Variants in ZNF429 observed in about 807,000 individuals in gnomAD.
The protein encoded by ZNF429 is zinc finger protein 429.
Under a neutral mutation model 56.8 loss-of-function variants are expected in ZNF429, and 53 were observed. The ratio of observed to expected loss-of-function variants is 0.93; its 90% CI spans 0.75 to 1.17. ZNF429 has a LOEUF of 1.17. ZNF429 is among the 50% of genes most tolerant of loss of function. ZNF429 has a pLI of 0.00. For synonymous variants in ZNF429, 278 were observed against 264.7 expected, an observed-to-expected ratio of 1.05 and a Z score of -0.49; for missense variants, 849 against 788.4, an observed-to-expected ratio of 1.08 and a Z score of -0.92.
intron 1 of ZNF429, among the ~76,000 whole-genome samples, chr19:21,518,402 TGG>T (rs2032854510): frequency 6.7e-5 from 1 of 14,968 alleles, no homozygotes; most frequent in Non-Finnish European, 1.4e-4. Flanking sequence ...GAGATTCTGG[TGG>T]TGTGTTGTAT....
intron 1 of ZNF429, among the ~76,000 whole-genome samples, chr19:21,510,786 AC>A (rs1442066451): frequency 2.0e-5 from 3 of 151,622 alleles, no homozygotes; most frequent in Non-Finnish European, 4.4e-5. Flanking sequence ...ATGACTCTTA[AC>A]GAGCATGCTG....
intron 1 of ZNF429, 35 bp from the exon 2 acceptor site, chr19:21,529,623 T>C (rs1436086175): frequency 3.6e-6 from 5 of 1,377,574 alleles, no homozygotes; most frequent in South Asian, 1.5e-5. Context: ...TTCTCTCTCT[T>C]TCTCTCTCCT....
At chr19:21,519,631 T>C (rs574293225) in intron 1 of ZNF429, among the ~76,000 whole-genome samples, 6 of 152,330 alleles carry the variant, frequency 3.9e-5, no homozygotes, top group East Asian at 1.9e-4. Flanking sequence ...TAGAAGTGTA[T>C]GTAAAAGTTA....
In ZNF429 at chr19:21,539,812, C is replaced by G. The variant is rs529129545; in HGVS notation, c.*1734C>G. Among the ~76,000 whole-genome samples, 4 of 152,190 alleles carry G rather than the reference C, an allele frequency of 2.6e-5. No homozygotes were observed. In the East Asian group the frequency reaches 7.7e-4, roughly 29 times the overall value. The stretch of plus-strand genomic sequence containing the variant: ...ATATAATTCAAGTATCAAATTACTT[C>G]ATGCTGTTTCATTGTTCCTATTCAC... On this transcript the variant is annotated 3_prime_UTR_variant, in exon 4 of 4. Coordinates refer to ENST00000358491, the MANE Select transcript of ZNF429 (RefSeq NM_001001415.4).
At chr19:21,514,289 G>A (rs1452331207) in intron 1 of ZNF429, among the ~76,000 whole-genome samples, 2 of 151,702 alleles carry the variant, frequency 1.3e-5, no homozygotes, top group Admixed American at 6.6e-5. Context: ...TGTCACTGAG[G>A]TACTAAGCAT....
intron 1 of ZNF429, among the ~76,000 whole-genome samples, chr19:21,515,405 A>G (rs111730189): frequency 3.3e-5 from 5 of 152,046 alleles, no homozygotes; most frequent in African/African-American, 1.2e-4. Flanking sequence ...AATGGCATCT[A>G]TTCATGTTTT....
At chr19:21,508,306 C>T (rs73546793) in intron 1 of ZNF429, among the ~76,000 whole-genome samples, 4,162 of 151,312 alleles carry the variant, frequency 0.028, 143 homozygotes, top group African/African-American at 0.075. Context: ...TGAGATGAGG[C>T]GAGAAATTGC....
chr19:21,534,605 A>G, intron 3 of ZNF429, among the ~76,000 whole-genome samples: 1 of 152,092 alleles, frequency 6.6e-6, no homozygotes, highest in Non-Finnish European at 1.5e-5. Flanking sequence ...TTGTGGCTCC[A>G]AGTGATCCTT....
intron 1 of ZNF429, among the ~76,000 whole-genome samples, chr19:21,512,458 G>A (rs1016717318): frequency 7.2e-5 from 11 of 151,778 alleles, no homozygotes; most frequent in African/African-American, 2.4e-4. Flanking sequence ...TCAGGAGTTC[G>A]AGACCAGCCT....
Position 21,537,892 on chromosome 19 carries a change from A to G in ZNF429, c.1839A>G (p.Lys613=). 6.2e-7 allele frequency: 1 copy of G among 1,614,090 alleles called. No homozygotes were observed. Among genetic ancestry groups the G allele is most frequent in the African/African-American group, 1.3e-5 (1 of 75,044 alleles). ...NRSSRLTQHK[K]IHTREKPYKC... Reference sequence around the variant, plus strand: ...CCTCAAGACTTACTCAACATAAGAAAATTCATACTAGAGAGAAACCTTACA... The same window carrying G: ...CCTCAAGACTTACTCAACATAAGAAGATTCATACTAGAGAGAAACCTTACA... Residue 613 remains lysine, a synonymous_variant, in exon 4 of 4, where the codon AAA becomes AAG. Coordinates refer to ENST00000358491, the MANE Select transcript of ZNF429 (RefSeq NM_001001415.4).
chr19:21,511,998 G>A (rs2032505159), intron 1 of ZNF429, among the ~76,000 whole-genome samples: 2 of 152,182 alleles, frequency 1.3e-5, no homozygotes, highest in Non-Finnish European at 2.9e-5. Flanking sequence ...AATCAGGCAG[G>A]GAGGTTGCAG....
chr19:21,509,071 C>T (rs900484521), intron 1 of ZNF429, among the ~76,000 whole-genome samples: 2 of 149,852 alleles, frequency 1.3e-5, no homozygotes, highest in East Asian at 2.0e-4. Flanking sequence ...TGCAGTGGTG[C>T]GATCTTGGCT....
intron 3 of ZNF429, among the ~76,000 whole-genome samples, chr19:21,535,578 G>A: frequency 0.011 from 1,668 of 148,926 alleles, 13 homozygotes; most frequent in Non-Finnish European, 0.02. Flanking sequence ...GCAGTGGTAC[G>A]GTCTCAGCTC....
At chr19:21,528,566 G>A (rs907057843) in intron 1 of ZNF429, among the ~76,000 whole-genome samples, 6 of 151,970 alleles carry the variant, frequency 3.9e-5, no homozygotes, top group African/African-American at 1.5e-4. Flanking sequence ...TTAGCCGGGC[G>A]TGGTGGCAGG....
chr19:21,513,959 A>G (rs2032620388), intron 1 of ZNF429, among the ~76,000 whole-genome samples: 1 of 152,132 alleles, frequency 6.6e-6, no homozygotes, highest in Non-Finnish European at 1.5e-5. Context: ...CTTCCCAGAA[A>G]TGCACAAAAG....
intron 1 of ZNF429, among the ~76,000 whole-genome samples, chr19:21,511,972 C>A (rs1430792371): frequency 1.3e-5 from 2 of 152,074 alleles, no homozygotes; most frequent in Non-Finnish European, 2.9e-5. Context: ...AGGCACTCGG[C>A]AGGCTGAGGC....
chr19:21,537,151 G>C lies in ZNF429; in HGVS notation c.1098G>C (p.Glu366Asp). The change falls in exon 4 of 4, where the codon GAG becomes GAC. Residue 366 changes from glutamate to aspartate, a missense_variant. Coordinates refer to ENST00000358491, the MANE Select transcript of ZNF429 (RefSeq NM_001001415.4). ...LTKHKVIHTG[E>D]KPYKCEECGK... ...AACATAAGGTAATTCATACTGGAGA[G>C]AAGCCCTACAAATGTGAAGAATGTG... is the stretch of plus-strand genomic sequence containing the variant. The C allele has an allele frequency of 6.2e-7, 1 of 1,613,772 alleles. No individual in the cohort carries two copies. The highest frequency in any genetic ancestry group is 8.5e-7 in the Non-Finnish European group (1 of 1,179,914).
chr19:21,509,580 G>A (rs1416589619), intron 1 of ZNF429, among the ~76,000 whole-genome samples: 1 of 152,190 alleles, frequency 6.6e-6, no homozygotes, highest in East Asian at 1.9e-4. Context: ...TTTCTGGGGA[G>A]CCTCCCCTGC....
Position 21,535,882 on chromosome 19 carries a change from A to G in ZNF429, c.227-398A>G. ...TAAATCCAGCATCTGGTAATATCCT[A>G]GAAGCCAGAAATAAAGATGTATGTG... On this transcript the variant is annotated intron_variant, in intron 3 of 3. Transcript: ENST00000358491. Among the ~76,000 whole-genome samples the G allele has an allele frequency of 4.2e-4, 64 of 152,294 alleles. 1 individual carries two copies. In the South Asian group the frequency reaches 0.013, roughly 31 times the overall value.
Sources: allele counts gnomAD v4.1 joint callset (sites outside exome capture counted in the v4.1 genomes callset), GRCh38; gene constraint gnomAD v4.1.1; transcripts MANE v1.5; gene names NCBI Gene and HGNC (gene_info 2026-07-23, HGNC 2026-07-21).